MYOZ1: variants seen among roughly 807,000 people sequenced by gnomAD.
MYOZ1 encodes myozenin 1.
In MYOZ1, 20 loss-of-function variants were observed where a neutral mutation model predicts 28.7. The observed-to-expected ratio is 0.70, with a 90% CI of 0.49 to 1.01. The LOEUF (loss-of-function observed/expected upper bound fraction) is 1.01, where lower values mean the gene tolerates loss of function less well. Among genes scored for constraint, MYOZ1 ranks in the 50% least tolerant of loss-of-function variants. The pLI is 0.00. For missense variants in MYOZ1, 371 were observed against 372.4 expected, an observed-to-expected ratio of 1.00 and a Z score of 0.03; for synonymous variants, 144 against 145.8, an observed-to-expected ratio of 0.99 and a Z score of 0.09.
Position 73,632,177 on chromosome 10 carries a change from ATTAT to A in MYOZ1, c.669-20_669-17del. On this transcript the variant is annotated splice_polypyrimidine_tract_variant and intron_variant, in intron 5 of 5. Coordinates refer to ENST00000359322, the MANE Select transcript of MYOZ1 (RefSeq NM_021245.4). ...CATTGCCGTCCTGAGAAGGGGACAC[ATTAT>A]TTAATTAAGAATCAGAATAAAAGAA... The A allele has an allele frequency of 1.3e-6, 2 of 1,597,886 alleles. No homozygotes were observed. Among genetic ancestry groups the A allele is most frequent in the Middle Eastern group, 1.7e-4 (1 of 6,020 alleles).
intron 3 of MYOZ1, among the ~76,000 whole-genome samples, chr10:73,634,993 C>T (rs1564983880): frequency 2.6e-5 from 4 of 152,060 alleles, no homozygotes; most frequent in South Asian, 2.1e-4. Context: ...GGCACGATCT[C>T]GGCTCACCGC....
Position 73,640,003 on chromosome 10 carries a change from T to C in MYOZ1, c.15A>G (p.Gly5=). The C allele has an allele frequency of 6.2e-7, 1 of 1,613,974 alleles. No homozygotes were observed. The highest frequency in any genetic ancestry group is 8.5e-7 in the Non-Finnish European group (1 of 1,179,974). MPLS[G]TPAPNKKRKS... The stretch of plus-strand genomic sequence containing the variant: ...TCCTCTTCTTATTAGGGGCCGGGGT[T>C]CCTGAGAGCGGCATTGTGGAGGTGG... The change falls in exon 2 of 6, where the codon GGA becomes GGG. Residue 5 remains glycine, a synonymous_variant. Transcript: ENST00000359322.
chr10:73,632,461 A>C (rs79540504), intron 5 of MYOZ1, among the ~76,000 whole-genome samples: 1 of 152,112 alleles, frequency 6.6e-6, no homozygotes, highest in Non-Finnish European at 1.5e-5. Flanking sequence ...AGGTCACCTT[A>C]CATGACAATG....
At chr10:73,634,394 C>G in intron 4 of MYOZ1, 90 bp downstream of exon 4, 1 of 1,501,094 alleles carries the variant, frequency 6.7e-7, no homozygotes. Flanking sequence ...AAACTGACCT[C>G]CTCTGCTCCC....
At chr10:73,634,066 C>G in the MYOZ1 span, 1 of 1,613,984 alleles carries the variant, frequency 6.2e-7, no homozygotes. Flanking sequence ...GCCTGGTCTC[C>G]TGGTAGCCAT....
chr10:73,638,120 T>C (rs2081679037), intron 2 of MYOZ1, among the ~76,000 whole-genome samples, 198 bp from the exon 3 acceptor site: 1 of 151,802 alleles, frequency 6.6e-6, no homozygotes. Flanking sequence ...TGGGGTGCAC[T>C]GTGGAGATAA....
chr10:73,634,008 G>A lies in MYOZ1; in HGVS notation c.560C>T (p.Pro187Leu). The A allele has an allele frequency of 6.2e-7, 1 of 1,614,018 alleles. No individual in the cohort carries two copies. The highest frequency in any genetic ancestry group is 8.5e-7 in the Non-Finnish European group (1 of 1,179,958). Residue 187 changes from proline to leucine, a missense_variant, in exon 5 of 6, where the codon CCA becomes CTA. Transcript: ENST00000359322. The stretch of plus-strand genomic sequence containing the variant: ...GTCAACCCCCATGGCTCGCTCCCAT[G>A]GGGAAATATAGGTCTTGAACACAGT... ...HITVFKTYIS[P>L]WERAMGVDPQ...
Position 73,634,698 on chromosome 10 carries a change from T to C in MYOZ1, c.288A>G (p.Gly96=), listed in dbSNP as rs538058320. The C allele has an allele frequency of 3.6e-5, 58 of 1,613,668 alleles. No individual in the cohort carries two copies. In the South Asian group the frequency reaches 5.3e-4, roughly 15 times the overall value. The change falls in exon 4 of 6, where the codon GGA becomes GGG. Residue 96 remains glycine (G), a synonymous_variant. Transcript: ENST00000359322. The part of the protein sequence containing the change: ...HFQKFLPTVG[G]QLGTAGQGFS... ...ATCCCTGACCAGCTGTGCCCAGCTG[T>C]CCCCCCACTGTTGGAAGGAACTTCT...
chr10:73,641,226 C>T (rs1042964416), intron 1 of MYOZ1, among the ~76,000 whole-genome samples, 185 bp downstream of exon 1: 1 of 152,126 alleles, frequency 6.6e-6, no homozygotes, highest in African/African-American at 2.4e-5. Context: ...TCCATTCCCC[C>T]CAACCTCCTG....
intron 4 of MYOZ1, 76 bp from the exon 5 acceptor site, chr10:73,634,141 C>T: frequency 6.5e-7 from 1 of 1,530,892 alleles, no homozygotes; most frequent in Non-Finnish European, 8.9e-7. Context: ...CACGCCCCTA[C>T]ACTAGGGAAA....
rs1420559550 is a variant in MYOZ1 at position 73,631,851 on chromosome 10, T to C, written c.*79A>G. The stretch of plus-strand genomic sequence containing the variant: ...TCCCATAAGGATACTGGATTAACAA[T>C]GGGGGCTATCTGCTCAGCATTCCCT... On this transcript the variant is annotated 3_prime_UTR_variant, in exon 6 of 6. Transcript: ENST00000359322. 1.6e-6 allele frequency: 2 copies of C among 1,223,062 alleles called. No homozygotes were observed. Among genetic ancestry groups the C allele is most frequent in the African/African-American group, 1.5e-5 (1 of 66,694 alleles). The allele number at this position is 1,223,062 out of a possible 1,614,324, so 75.8% of individuals were successfully genotyped here.
rs571507112 is a variant in MYOZ1, at chr10:73,638,442, C to T, written c.74-520G>A. On this transcript the variant is annotated intron_variant, in intron 2 of 5. Transcript: ENST00000359322. ...CCGCCTCCCAGGTTCAAGCAATTCT[C>T]CTGCCTCAGCCTCCCAGGTCGCTGG... Among the ~76,000 whole-genome samples, 236 of 151,312 alleles carry T rather than the reference C, an allele frequency of 1.6e-3. 1 individual carries two copies. The highest frequency in any genetic ancestry group is 5.6e-3 in the African/African-American group (232 of 41,382).
At chr10:73,639,053 C>T (rs1039550880) in intron 2 of MYOZ1, among the ~76,000 whole-genome samples, 33 of 150,328 alleles carry the variant, frequency 2.2e-4, no homozygotes, top group Middle Eastern at 3.4e-3. Context: ...GTGGTCCTCT[C>T]ACCTCAGCCT....
Position 73,631,877 on chromosome 10 carries a change from C to G in MYOZ1, c.*53G>C. Reference sequence around the variant, plus strand: ...GGGGGCTATCTGCTCAGCATTCCCTCTCCAAATTGGAGCCAGAGAGGGGAA... The same window carrying G: ...GGGGGCTATCTGCTCAGCATTCCCTGTCCAAATTGGAGCCAGAGAGGGGAA... On this transcript the variant is annotated 3_prime_UTR_variant, in exon 6 of 6. Coordinates refer to ENST00000359322, the MANE Select transcript of MYOZ1 (RefSeq NM_021245.4). The G allele has an allele frequency of 4.0e-6, 6 of 1,502,582 alleles. No homozygotes were observed. The South Asian group carries it at 6.9e-5, about 17-fold the overall frequency. The allele number at this position is 1,502,582 out of a possible 1,614,324, so 93.1% of individuals were successfully genotyped here. A position where few individuals can be genotyped will look rare whatever the true frequency, so the allele number is the denominator to read the frequency against.
intron 2 of MYOZ1, 92 bp downstream of exon 2, chr10:73,639,853 G>T: frequency 7.7e-7 from 1 of 1,295,130 alleles, no homozygotes; most frequent in Non-Finnish European, 1.1e-6. Context: ...AATTTCTCTT[G>T]TTTGTTCACC....
At position 73,635,376 on chromosome 10, in the gene MYOZ1, T is replaced by A. The variant is rs77794861; in HGVS notation, c.253-643A>T. On this transcript the variant is annotated intron_variant, in intron 3 of 5. Coordinates refer to ENST00000359322, the MANE Select transcript of MYOZ1 (RefSeq NM_021245.4). ...CCTGCCCAGCTTTAAAAAAAAAAAA[T>A]GAAAAAAAATTCTTTTGCTTTTTGA... Among the ~76,000 whole-genome samples, 1,236 of 150,274 alleles carry A rather than the reference T, an allele frequency of 8.2e-3. 7 individuals are homozygous for A. Among genetic ancestry groups the A allele is most frequent in the Middle Eastern group, 0.027 (8 of 294 alleles).
In MYOZ1 at chr10:73,640,150, T is replaced by A. The variant is rs141167324; in HGVS notation, c.-18-115A>T. 461 of 692,024 alleles carry A rather than the reference T, an allele frequency of 6.7e-4. 5 individuals carry two copies. Among genetic ancestry groups the A allele is most frequent in the African/African-American group, 6.0e-3 (326 of 54,612 alleles). The allele number at this position is 692,024 out of a possible 1,614,324, so 42.9% of individuals were successfully genotyped here. A position where few individuals can be genotyped will look rare whatever the true frequency, so the allele number is the denominator to read the frequency against. On this transcript the variant is annotated intron_variant, in intron 1 of 5. Transcript: ENST00000359322. Reference sequence around the variant, plus strand: ...TTAAGGGCTTGAGGGGACAAAAAAATTTTTTTTTCTTTTTTAGAGACAGGA... The same window carrying A: ...TTAAGGGCTTGAGGGGACAAAAAAAATTTTTTTTCTTTTTTAGAGACAGGA...
At chr10:73,636,779 T>G (rs2081669572) in intron 3 of MYOZ1, among the ~76,000 whole-genome samples, 1 of 152,094 alleles carries the variant, frequency 6.6e-6, no homozygotes, top group South Asian at 2.1e-4. Context: ...AGTATAGATA[T>G]GCCTCCAAAT....
At chr10:73,634,797 G>T in intron 3 of MYOZ1, 64 bp from the exon 4 acceptor site, 1 of 1,564,918 alleles carries the variant, frequency 6.4e-7, no homozygotes. Context: ...AAAAACAGAG[G>T]TATGTTTAGC....
Sources: gnomAD v4.1 joint callset for allele counts (sites outside exome capture counted in the v4.1 genomes callset) on GRCh38, gnomAD v4.1.1 for gene constraint, MANE v1.5 for transcripts, NCBI Gene and HGNC (gene_info 2026-07-23, HGNC 2026-07-21) for gene names.